Variants in FRAS1 observed in about 807,000 individuals in gnomAD.
The protein encoded by FRAS1 is extracellular matrix organizing protein FRAS1.
Under a neutral mutation model 435.2 loss-of-function variants are expected in FRAS1, and 290 were observed. The observed-to-expected ratio is 0.67, with a 90% CI of 0.61 to 0.73. FRAS1 has a LOEUF of 0.73. Among genes scored for constraint, FRAS1 ranks in the 30% least tolerant of loss-of-function variants. The pLI, the probability that FRAS1 is intolerant of heterozygous loss-of-function variation, is 0.00. For missense variants in FRAS1, 4,860 were observed against 5,001.5 expected (o/e 0.97, Z 0.85); for synonymous variants, 1,800 against 1,851.0 (o/e 0.97, Z 0.71).
rs1718733020 is a variant in FRAS1 at position 78,444,650 on chromosome 4, A to G, written c.5666-872A>G. On this transcript the variant is annotated intron_variant, in intron 41 of 73. Transcript: ENST00000512123. ...ACATTGTGATGACAATTTCAAATCA[A>G]TCAGTTAGACTCAAATTAAAATCAA... 4.6e-5 allele frequency among the ~76,000 whole-genome samples: 7 copies of G among 152,346 alleles called. 1 individual carries two copies. In the South Asian group the frequency reaches 1.4e-3, roughly 32 times the overall value.
intron 14 of FRAS1, among the ~76,000 whole-genome samples, chr4:78,307,619 C>T (rs1324218970): frequency 6.6e-6 from 1 of 152,244 alleles, no homozygotes; most frequent in Non-Finnish European, 1.5e-5. Flanking sequence ...CCCGATTTTC[C>T]AGGTGCCGTC....
At chr4:78,347,618 C>T (rs1365205767) in intron 20 of FRAS1, among the ~76,000 whole-genome samples, 1 of 152,128 alleles carries the variant, frequency 6.6e-6, no homozygotes, top group African/African-American at 2.4e-5. Flanking sequence ...ATGCTCTTCC[C>T]TTCTAACAAG....
chr4:78,150,943 T>C (rs1395630021), intron 2 of FRAS1, among the ~76,000 whole-genome samples: 1 of 152,242 alleles, frequency 6.6e-6, no homozygotes, highest in Non-Finnish European at 1.5e-5. Context: ...TTTTGCATTT[T>C]ATTGTCTTAT....
In FRAS1 at chr4:78,179,367, G is replaced by A. The variant is rs80124645; in HGVS notation, c.109-58143G>A. Among the ~76,000 whole-genome samples, 477 of 152,206 alleles carry A rather than the reference G, an allele frequency of 3.1e-3. 4 individuals are homozygous for A. Among genetic ancestry groups the A allele is most frequent in the African/African-American group, 0.011 (461 of 41,514 alleles). ...GGTGGCCTCTTCTTTTTAATATCAC[G>A]TGCCAGCAGGTAGGCAGGCAAGTTA... On this transcript the variant is annotated intron_variant, in intron 2 of 73. Transcript: ENST00000512123.
At chr4:78,087,319 T>C (rs925976039) in intron 2 of FRAS1, among the ~76,000 whole-genome samples, 1 of 151,972 alleles carries the variant, frequency 6.6e-6, no homozygotes, top group African/African-American at 2.4e-5. Context: ...GCCAATATCA[T>C]ACTGAATGGA....
At chr4:78,446,059 C>G in intron 42 of FRAS1, 2 of 1,159,688 alleles carry the variant, frequency 1.7e-6, no homozygotes, top group Non-Finnish European at 2.1e-6. Context: ...GCATATTTGC[C>G]TTTTCTTATT....
Position 78,423,253 on chromosome 4 carries a change from G to A in FRAS1, c.4679-1135G>A, listed in dbSNP as rs189294609. Among the ~76,000 whole-genome samples, 6 of 151,182 alleles carry A rather than the reference G, an allele frequency of 4.0e-5. No homozygotes were observed. The East Asian group carries it at 7.8e-4, about 20-fold the overall frequency. ...ATGATCTTGGCTCACTGCAACTTCCGCCTCCCAGATTCAAGCAATTCTCCT... is the reference window on the plus strand; with the variant it reads ...ATGATCTTGGCTCACTGCAACTTCCACCTCCCAGATTCAAGCAATTCTCCT... On this transcript the variant is annotated intron_variant, in intron 34 of 73. Transcript: ENST00000512123.
At chr4:78,286,764 G>T (rs72864575) in intron 14 of FRAS1, among the ~76,000 whole-genome samples, 1,580 of 152,176 alleles carry the variant, frequency 0.01, 17 homozygotes, top group African/African-American at 0.036. Context: ...TTATCAATAT[G>T]GTTTAGTGGA....
At chr4:78,272,048 C>A (rs1726726378) in intron 9 of FRAS1, among the ~76,000 whole-genome samples, 1 of 152,232 alleles carries the variant, frequency 6.6e-6, no homozygotes, top group Non-Finnish European at 1.5e-5. Context: ...TTTTGATTTG[C>A]ATTTCTCTGA....
At chr4:78,320,253 G>A (rs954844685) in intron 18 of FRAS1, among the ~76,000 whole-genome samples, 19 of 152,182 alleles carry the variant, frequency 1.2e-4, no homozygotes, top group Non-Finnish European at 2.5e-4. Context: ...CTGTGGCTCT[G>A]TTTTTATAAC....
intron 61 of FRAS1, among the ~76,000 whole-genome samples, chr4:78,506,332 G>A (rs1475637145): frequency 6.6e-6 from 1 of 152,212 alleles, no homozygotes; most frequent in Non-Finnish European, 1.5e-5. Context: ...GCTGGCTTTT[G>A]TTCAGCTATG....
chr4:78,194,651 G>T (rs567108441), intron 2 of FRAS1, among the ~76,000 whole-genome samples: 1 of 152,002 alleles, frequency 6.6e-6, no homozygotes, highest in Non-Finnish European at 1.5e-5. Flanking sequence ...CTCTGAATTG[G>T]TTATTCTGGT....
At chr4:78,526,916 T>C (rs950690226) in intron 70 of FRAS1, among the ~76,000 whole-genome samples, 1 of 152,178 alleles carries the variant, frequency 6.6e-6, no homozygotes, top group African/African-American at 2.4e-5. Flanking sequence ...TTCAGTGCCA[T>C]GTTTTTTGCA....
At chr4:78,440,719 G>A (rs1265502166) in intron 40 of FRAS1, among the ~76,000 whole-genome samples, 1 of 152,172 alleles carries the variant, frequency 6.6e-6, no homozygotes. Context: ...AGAATAAACA[G>A]GACTTTTATT....
At chr4:78,522,485 T>A (rs1721416130) in intron 68 of FRAS1, among the ~76,000 whole-genome samples, 164 bp from the exon 69 acceptor site, 1 of 152,206 alleles carries the variant, frequency 6.6e-6, no homozygotes, top group African/African-American at 2.4e-5. Flanking sequence ...GATGCCATTC[T>A]ATCCAGTGTG....
chr4:78,450,301 G>T lies in FRAS1; in HGVS notation c.6425G>T (p.Gly2142Val), dbSNP rs751181158. The T allele has an allele frequency of 1.9e-6, 3 of 1,613,794 alleles. No homozygotes were observed. In the Admixed American group the frequency reaches 5.0e-5, roughly 27 times the overall value. ...HGNLEQISIK[G>V]PIRSFTQADI... ...AACCTGGAGCAAATTTCTATTAAAGGCCCCATCCGAAGTTTCACCCAGGCA... is the reference window on the plus strand; with the variant it reads ...AACCTGGAGCAAATTTCTATTAAAGTCCCCATCCGAAGTTTCACCCAGGCA... Residue 2142 changes from glycine to valine, a missense_variant, in exon 45 of 74, where the codon GGC (glycine) becomes GTC (valine). Transcript: ENST00000512123.
intron 29 of FRAS1, among the ~76,000 whole-genome samples, chr4:78,395,483 A>G (rs1257815064): frequency 2.0e-5 from 3 of 151,962 alleles, no homozygotes; most frequent in East Asian, 1.9e-4. Context: ...CATTATTGCA[A>G]TGCTTTTTAT....
chr4:78,156,214 A>G (rs149226115), intron 2 of FRAS1, among the ~76,000 whole-genome samples: 366 of 152,338 alleles, frequency 2.4e-3, no homozygotes, highest in Middle Eastern at 0.01. Context: ...ATTGAAATTC[A>G]TGAAAGATTT....
intron 2 of FRAS1, among the ~76,000 whole-genome samples, chr4:78,212,976 C>G (rs1723579696): frequency 6.6e-6 from 1 of 152,158 alleles, no homozygotes; most frequent in Non-Finnish European, 1.5e-5. Flanking sequence ...ACGGTGATTC[C>G]TAGTTGGCCG....
Sources: gnomAD v4.1 joint callset for allele counts (sites outside exome capture counted in the v4.1 genomes callset) on GRCh38, gnomAD v4.1.1 for gene constraint, MANE v1.5 for transcripts, NCBI Gene and HGNC (gene_info 2026-07-23, HGNC 2026-07-21) for gene names.